SCN8A: variants seen among roughly 807,000 people sequenced by gnomAD.
The protein encoded by SCN8A is sodium channel protein type 8 subunit alpha.
SCN8A carries 30 observed loss-of-function variants against 184.1 expected under a neutral mutation model. That is an observed-to-expected ratio of 0.16 (90% CI 0.12 to 0.22). The LOEUF (loss-of-function observed/expected upper bound fraction) is 0.22, where lower values mean the gene tolerates loss of function less well. Ranked by LOEUF, SCN8A falls within the 10% of genes least tolerant of loss-of-function variation. The pLI is 1.00. For synonymous variants in SCN8A, 852 were observed against 907.0 expected (o/e 0.94, Z 1.09); for missense variants, 1,057 against 2,498.9 (o/e 0.42, Z 12.30).
At chr12:51,658,396 G>A (rs1940864261) in intron 1 of SCN8A, among the ~76,000 whole-genome samples, 1 of 151,914 alleles carries the variant, frequency 6.6e-6, no homozygotes, top group African/African-American at 2.4e-5. Context: ...TTGCTTTCTT[G>A]ATATCTTTTT....
chr12:51,646,062 A>C (rs907215549), intron 1 of SCN8A, among the ~76,000 whole-genome samples: 3 of 151,652 alleles, frequency 2.0e-5, no homozygotes, highest in Non-Finnish European at 4.4e-5. Flanking sequence ...TTAACCCTCA[A>C]ATGAGGAAAT....
At chr12:51,674,701 T>C (rs893758806) in intron 2 of SCN8A, among the ~76,000 whole-genome samples, 1 of 152,244 alleles carries the variant, frequency 6.6e-6, no homozygotes, top group Non-Finnish European at 1.5e-5. Context: ...ATGGCAGTAC[T>C]GTGTGATAGC....
Position 51,591,297 on chromosome 12 carries a change from C to A in SCN8A, c.-117C>A. ...GCCGCATCCTCGGCGCCTTTGCAGT[C>A]CGGCCGCGCCTCCCGGGCCCCGCGT... On this transcript the variant is annotated 5_prime_UTR_variant, in exon 1 of 27. Transcript: ENST00000627620. 6.5e-6 allele frequency: 1 copy of A among 154,872 alleles called. No individual in the cohort carries two copies. Among genetic ancestry groups the A allele is most frequent in the South Asian group, 1.8e-4 (1 of 5,668 alleles). 9.6% of individuals were successfully genotyped at this position (154,872 alleles called of 1,614,324 possible).
At chr12:51,784,497 CT>C (rs1938022742) in intron 21 of SCN8A, among the ~76,000 whole-genome samples, 2 of 152,192 alleles carry the variant, frequency 1.3e-5, no homozygotes, top group South Asian at 4.2e-4. Flanking sequence ...GCCTCCCCTT[CT>C]CAGTGAGCCA....
chr12:51,788,972 T>C (rs922211720), intron 23 of SCN8A, among the ~76,000 whole-genome samples: 19 of 152,206 alleles, frequency 1.2e-4, no homozygotes, highest in African/African-American at 4.6e-4. Context: ...TGTTGATTTT[T>C]TACGTGGCCC....
intron 26 of SCN8A, among the ~76,000 whole-genome samples, chr12:51,800,329 A>G (rs1160056400): frequency 2.0e-5 from 3 of 152,204 alleles, no homozygotes; most frequent in Admixed American, 6.5e-5. Context: ...GCTTATGATA[A>G]TCCACTGTCG....
At chr12:51,686,033 A>G (rs1199238250) in intron 3 of SCN8A, among the ~76,000 whole-genome samples, 1 of 152,232 alleles carries the variant, frequency 6.6e-6, no homozygotes, top group Non-Finnish European at 1.5e-5. Context: ...GTGCAAAGGT[A>G]TTATACTAAG....
At chr12:51,645,110 C>T (rs1470649729) in intron 1 of SCN8A, among the ~76,000 whole-genome samples, 5 of 148,924 alleles carry the variant, frequency 3.4e-5, no homozygotes, top group East Asian at 4.0e-4. Context: ...CCAGCCGCCC[C>T]GTCTGGCAGG....
At chr12:51,747,875 T>C (rs150721492) in intron 13 of SCN8A, among the ~76,000 whole-genome samples, 1 of 137,604 alleles carries the variant, frequency 7.3e-6, no homozygotes, top group African/African-American at 2.7e-5. Flanking sequence ...AAAAAAAAAA[T>C]AGATGTAAGG....
chr12:51,679,662 G>A (rs1333616982), intron 2 of SCN8A, among the ~76,000 whole-genome samples: 2 of 149,840 alleles, frequency 1.3e-5, no homozygotes, highest in Non-Finnish European at 3.0e-5. Context: ...GCAAGCCCCA[G>A]TATTAAAAGG....
At chr12:51,743,633 A>G (rs1443550126) in intron 12 of SCN8A, among the ~76,000 whole-genome samples, 1 of 152,200 alleles carries the variant, frequency 6.6e-6, no homozygotes, top group Non-Finnish European at 1.5e-5. Context: ...TGAAGCCAGC[A>G]CAGCACAGGG....
intron 21 of SCN8A, among the ~76,000 whole-genome samples, chr12:51,785,080 T>A (rs768941982): frequency 5.3e-5 from 8 of 152,252 alleles, no homozygotes; most frequent in Non-Finnish European, 1.2e-4. Context: ...TTTCCATTTG[T>A]GGATCATCCT....
At chr12:51,759,969 T>C (rs1242278831) in intron 14 of SCN8A, among the ~76,000 whole-genome samples, 1 of 152,172 alleles carries the variant, frequency 6.6e-6, no homozygotes, top group Non-Finnish European at 1.5e-5. Flanking sequence ...AAACTTGCTT[T>C]TATCACAAAG....
chr12:51,774,139 G>T (rs758923201), intron 19 of SCN8A, 50 bp from the exon 20 acceptor site: 4 of 1,578,904 alleles, frequency 2.5e-6, no homozygotes, highest in Non-Finnish European at 3.5e-6. Flanking sequence ...GCTCCCTGTG[G>T]CCTGCTTGCC....
chr12:51,714,493 C>T (rs539615370), intron 11 of SCN8A, among the ~76,000 whole-genome samples: 15 of 152,266 alleles, frequency 9.9e-5, no homozygotes, highest in Non-Finnish European at 1.9e-4. Context: ...TCACTGTGTG[C>T]TTATGAGAAG....
intron 1 of SCN8A, among the ~76,000 whole-genome samples, chr12:51,645,111 G>A (rs1176557558): frequency 1.0e-4 from 15 of 146,382 alleles, no homozygotes; most frequent in African/African-American, 1.3e-4. Context: ...CAGCCGCCCC[G>A]TCTGGCAGGT....
chr12:51,653,500 G>A (rs1384943177), intron 1 of SCN8A, among the ~76,000 whole-genome samples: 1 of 152,092 alleles, frequency 6.6e-6, no homozygotes, highest in Admixed American at 6.5e-5. Context: ...GCATGTGTCA[G>A]GATTTCTTGC....
chr12:51,712,698 C>T, intron 11 of SCN8A: 3 of 903,930 alleles, frequency 3.3e-6, no homozygotes, highest in Admixed American at 3.4e-5. Context: ...CTACCATATC[C>T]ACCACACCAC....
At chr12:51,790,633 C>T (rs78331847) in intron 25 of SCN8A, 131 bp downstream of exon 25, 1 of 618,690 alleles carries the variant, frequency 1.6e-6, no homozygotes, top group East Asian at 3.0e-5. Context: ...CACCACCCAT[C>T]CAAAAGATCT....
Sources: allele counts gnomAD v4.1 joint callset (sites outside exome capture counted in the v4.1 genomes callset), GRCh38; gene constraint gnomAD v4.1.1; transcripts MANE v1.5; gene names NCBI Gene and HGNC (gene_info 2026-07-23, HGNC 2026-07-21).